Variants in ATP2C2 observed in about 807,000 individuals in gnomAD.
ATP2C2 encodes calcium-transporting ATPase type 2C member 2.
Under a neutral mutation model 110.8 loss-of-function variants are expected in ATP2C2, and 171 were observed. That is an observed-to-expected ratio of 1.54 (90% CI 1.36 to 1.75). The LOEUF (loss-of-function observed/expected upper bound fraction) is 1.75. Ranked by LOEUF, ATP2C2 falls within the 40% of genes most tolerant of loss-of-function variation. The pLI is 0.00. For synonymous variants in ATP2C2, 804 were observed against 508.4 expected, an observed-to-expected ratio of 1.58 and a Z score of -7.82; for missense variants, 1,963 against 1,235.0, an observed-to-expected ratio of 1.59 and a Z score of -8.84.
rs764730809 is a variant in ATP2C2, at chr16:84,448,636, A to G, written c.1607A>G (p.Gln536Arg). ...GGIPLPLTPQ[Q>R]RSFCLQEEKR... ...ATCCCCCTGCCGCTGACGCCCCAGC[A>G]GAGGTCATTCTGCCTGCAGGAAGAG... The change falls in exon 17 of 27, where the codon CAG becomes CGG. Residue 536 changes from glutamine (Q) to arginine (R), a missense_variant. By Grantham distance (43) the Gln-to-Arg change is conservative. Transcript: ENST00000262429. The G allele has an allele frequency of 3.5e-5, 57 of 1,613,890 alleles. No homozygotes were observed. The East Asian group carries it at 1.2e-3, about 34-fold the overall frequency.
At chr16:84,394,589 C>G (rs539705933) in intron 1 of ATP2C2, among the ~76,000 whole-genome samples, 1 of 152,180 alleles carries the variant, frequency 6.6e-6, no homozygotes, top group Admixed American at 6.5e-5. Flanking sequence ...TCTCACAGTT[C>G]TAGAAGCCAG....
intron 11 of ATP2C2, among the ~76,000 whole-genome samples, chr16:84,434,141 G>A (rs771282807): frequency 1.3e-5 from 2 of 152,022 alleles, no homozygotes; most frequent in Non-Finnish European, 2.9e-5. Flanking sequence ...TCCTGGGTCG[G>A]GCACGGTGGC....
At position 84,460,670 on chromosome 16, in the gene ATP2C2, G is replaced by C; in HGVS notation, c.2350G>C (p.Val784Leu). ...PPAQSLGVEP[V>L]DKDAFRQPPR... ...TCGGAGCAGCTTGGGGGTAGAGCCC[G>C]TTGACAAAGACGCCTTCAGGCAGCC... The change falls in exon 24 of 27, where the codon GTT (valine) becomes CTT (leucine). Residue 784 changes from valine (V) to leucine (L), a missense_variant. Coordinates refer to ENST00000262429, the MANE Select transcript of ATP2C2 (RefSeq NM_014861.4). 1 of 1,614,214 alleles carries C rather than the reference G, an allele frequency of 6.2e-7. No individual in the cohort carries two copies. Among genetic ancestry groups the C allele is most frequent in the Non-Finnish European group, 8.5e-7 (1 of 1,180,038 alleles).
rs777426141 is a variant in ATP2C2, at chr16:84,459,345, C to T, written c.2292C>T (p.Ile764=). 2.5e-6 allele frequency: 4 copies of T among 1,614,206 alleles called. No homozygotes were observed. The East Asian group carries it at 6.7e-5, about 27-fold the overall frequency. The change falls in exon 23 of 27, where the codon ATC becomes ATT. Residue 764 remains isoleucine, a synonymous_variant. Coordinates refer to ENST00000262429, the MANE Select transcript of ATP2C2 (RefSeq NM_014861.4). ...NLPSPLNAMQ[I]LWINIIMDGP... ...CCAGCCCCCTCAACGCCATGCAGAT[C>T]CTATGGATCAACATCATCATGGATG...
chr16:84,462,109 C>A lies in ATP2C2; in HGVS notation c.2702C>A (p.Thr901Lys), dbSNP rs201292069. The A allele has an allele frequency of 1.9e-5, 31 of 1,613,552 alleles. No homozygotes were observed. Among genetic ancestry groups the A allele is most frequent in the Admixed American group, 3.3e-5 (2 of 59,962 alleles). ...YIPPLQRVFQ[T>K]ENLGALDLLF... ...CCCCCGCTGCAGAGGGTCTTCCAGACGGAGAACCTGGGAGCGCTTGGTGAG... is the reference window on the plus strand; with the variant it reads ...CCCCCGCTGCAGAGGGTCTTCCAGAAGGAGAACCTGGGAGCGCTTGGTGAG... The change falls in exon 26 of 27, where the codon ACG (threonine) becomes AAG (lysine). Residue 901 changes from threonine (T) to lysine (K), a missense_variant. Coordinates refer to ENST00000262429, the MANE Select transcript of ATP2C2 (RefSeq NM_014861.4).
Position 84,411,396 on chromosome 16 carries a change from G to A in ATP2C2, c.515+631G>A, listed in dbSNP as rs556465033. ...CTGTGTGATAGAACTTGCAGGAAAT[G>A]TTCTATTAATATCATCTGCCCTGTC... On this transcript the variant is annotated intron_variant, in intron 6 of 26. Coordinates refer to ENST00000262429, the MANE Select transcript of ATP2C2 (RefSeq NM_014861.4). 9.5e-4 allele frequency among the ~76,000 whole-genome samples: 145 copies of A among 152,318 alleles called. 1 individual carries two copies. Among genetic ancestry groups the A allele is most frequent in the African/African-American group, 3.3e-3 (136 of 41,552 alleles).
rs189173494 is a variant in ATP2C2, at chr16:84,459,035, A to C, written c.2148-85A>C. The C allele has an allele frequency of 1.2e-5, 18 of 1,455,696 alleles. No homozygotes were observed. The African/African-American group carries it at 2.2e-4, about 18-fold the overall frequency. 90.2% of individuals were successfully genotyped at this position (1,455,696 alleles called of 1,614,324 possible). ...AGTATAACATCAATCTGGGCGAGTC[A>C]CCACTGCCCCTTGCAGCAACCGATG... On this transcript the variant is annotated intron_variant, in intron 21 of 26. Coordinates refer to ENST00000262429, the MANE Select transcript of ATP2C2 (RefSeq NM_014861.4).
At chr16:84,461,952 C>T in intron 25 of ATP2C2, 36 bp from the exon 26 acceptor site, 1 of 1,609,880 alleles carries the variant, frequency 6.2e-7, no homozygotes, top group Non-Finnish European at 8.5e-7. Context: ...GGGGTGTGGA[C>T]AGCACACAAT....
chr16:84,376,096 T>C (rs1910233202), intron 1 of ATP2C2, among the ~76,000 whole-genome samples: 1 of 152,008 alleles, frequency 6.6e-6, no homozygotes, highest in Non-Finnish European at 1.5e-5. Flanking sequence ...AAGAGGTGGA[T>C]GGGACAGGGG....
intron 11 of ATP2C2, among the ~76,000 whole-genome samples, chr16:84,431,778 G>T (rs943403369): frequency 6.6e-6 from 1 of 152,092 alleles, no homozygotes; most frequent in Non-Finnish European, 1.5e-5. Flanking sequence ...TTCCCAATAC[G>T]CCACGCCAGG....
chr16:84,371,918 G>T (rs1418281276), intron 1 of ATP2C2, among the ~76,000 whole-genome samples: 1 of 152,250 alleles, frequency 6.6e-6, no homozygotes, highest in African/African-American at 2.4e-5. Context: ...ATCCCAACCA[G>T]GAGGCAGAGA....
intron 1 of ATP2C2, among the ~76,000 whole-genome samples, chr16:84,377,223 T>C (rs1910300558): frequency 6.6e-6 from 1 of 152,142 alleles, no homozygotes; most frequent in Non-Finnish European, 1.5e-5. Context: ...GTCCTAGTAG[T>C]AGTGGAAGTC....
At chr16:84,423,932 G>A (rs746367217) in intron 10 of ATP2C2, among the ~76,000 whole-genome samples, 31 of 152,204 alleles carry the variant, frequency 2.0e-4, no homozygotes, top group Admixed American at 5.2e-4. Context: ...CTTAAGGCTT[G>A]ACATCCCCAT....
At chr16:84,405,368 C>G (rs1431721993) in intron 3 of ATP2C2, 124 bp downstream of exon 3, 2 of 785,790 alleles carry the variant, frequency 2.5e-6, no homozygotes, top group Non-Finnish European at 4.0e-6. Flanking sequence ...TCACGCTGCC[C>G]CAGCCAGCCT....
rs556113725 is a variant in ATP2C2 at position 84,400,382 on chromosome 16, G to C, written c.210+1773G>C. On this transcript the variant is annotated intron_variant, in intron 2 of 26. Coordinates refer to ENST00000262429, the MANE Select transcript of ATP2C2 (RefSeq NM_014861.4). ...CACTCTGTCACCCAAGCTGGAGTGCGGTGGCGCGATCTCTGCTCACTGCAA... is the reference window on the plus strand; with the variant it reads ...CACTCTGTCACCCAAGCTGGAGTGCCGTGGCGCGATCTCTGCTCACTGCAA... Among the ~76,000 whole-genome samples the C allele has an allele frequency of 1.1e-4, 16 of 150,306 alleles. No individual in the cohort carries two copies. In the East Asian group the frequency reaches 2.9e-3, roughly 28 times the overall value.
At chr16:84,412,712 C>T (rs1432249170) in intron 6 of ATP2C2, among the ~76,000 whole-genome samples, 1 of 152,102 alleles carries the variant, frequency 6.6e-6, no homozygotes. Context: ...AGGCCAAAGT[C>T]TTCTCCCCAC....
At position 84,439,538 on chromosome 16, in the gene ATP2C2, G is replaced by T. The variant is rs1379036236; in HGVS notation, c.1209+14G>T. 2 of 1,612,392 alleles carry T rather than the reference G, an allele frequency of 1.2e-6. No individual in the cohort carries two copies. Among genetic ancestry groups the T allele is most frequent in the East Asian group, 2.2e-5 (1 of 44,858 alleles). On this transcript the variant is annotated intron_variant, in intron 13 of 26. Coordinates refer to ENST00000262429, the MANE Select transcript of ATP2C2 (RefSeq NM_014861.4). ...CTTCGTGCCGAGGTGAGTGCCAAAG[G>T]AATTTACAAGCCTTAAGGATGCACC...
intron 1 of ATP2C2, among the ~76,000 whole-genome samples, chr16:84,371,076 C>A (rs1597721270): frequency 6.6e-6 from 1 of 152,116 alleles, no homozygotes; most frequent in African/African-American, 2.4e-5. Flanking sequence ...CTGGGAGATG[C>A]TTTATTTGAG....
chr16:84,409,654 G>A (rs1446292536), intron 4 of ATP2C2, among the ~76,000 whole-genome samples: 1 of 152,002 alleles, frequency 6.6e-6, no homozygotes, highest in Admixed American at 6.5e-5. Context: ...CACCACTCCT[G>A]GTTAATTTTT....
Sources: gnomAD v4.1 joint callset for allele counts (sites outside exome capture counted in the v4.1 genomes callset) on GRCh38, gnomAD v4.1.1 for gene constraint, MANE v1.5 for transcripts, NCBI Gene and HGNC (gene_info 2026-07-23, HGNC 2026-07-21) for gene names.